Variants in HEPHL1 observed in about 807,000 individuals in gnomAD.
HEPHL1 encodes hephaestin like 1, also known as ferroxidase HEPHL1.
Under a neutral mutation model 122.0 loss-of-function variants are expected in HEPHL1, and 123 were observed. That is an observed-to-expected ratio of 1.01 (90% CI 0.87 to 1.17). HEPHL1 has a LOEUF of 1.17. Among genes scored for constraint, HEPHL1 ranks in the 50% most tolerant of loss-of-function variants. The pLI is 0.00. For synonymous variants in HEPHL1, 527 were observed against 508.9 expected, an observed-to-expected ratio of 1.04 and a Z score of -0.48; for missense variants, 1,452 against 1,430.5, an observed-to-expected ratio of 1.01 and a Z score of -0.24.
intron 14 of HEPHL1, among the ~76,000 whole-genome samples, chr11:94,102,555 A>G (rs76238863): frequency 0.027 from 4,108 of 152,336 alleles, 200 homozygotes; most frequent in African/African-American, 0.094. Flanking sequence ...AAGAGGCCAA[A>G]GCAGAGGTCC....
intron 12 of HEPHL1, among the ~76,000 whole-genome samples, chr11:94,091,108 A>G (rs961784496): frequency 3.3e-5 from 5 of 152,326 alleles, no homozygotes; most frequent in African/African-American, 1.2e-4. Flanking sequence ...ACAATAAACC[A>G]CTGCCTATTG....
At chr11:94,081,936 G>T (rs185753196) in intron 9 of HEPHL1, among the ~76,000 whole-genome samples, 2 of 152,290 alleles carry the variant, frequency 1.3e-5, no homozygotes, top group Non-Finnish European at 2.9e-5. Context: ...ATGCAGAAAA[G>T]TGAATTGAGG....
intron 13 of HEPHL1, among the ~76,000 whole-genome samples, chr11:94,093,971 G>GATAGATATATATATATAT (rs71036310): frequency 5.5e-5 from 4 of 72,766 alleles, no homozygotes; most frequent in African/African-American, 1.5e-4. Context: ...TCCTCCAGCA[G>GATAGATATATATATATAT]ATATATATAT....
intron 1 of HEPHL1, among the ~76,000 whole-genome samples, chr11:94,024,931 C>T (rs1591457658): frequency 6.6e-6 from 1 of 152,252 alleles, no homozygotes; most frequent in South Asian, 2.1e-4. Context: ...AGCTAATCAC[C>T]TTATCAACTG....
chr11:94,057,388 A>G (rs1166791841), intron 2 of HEPHL1, among the ~76,000 whole-genome samples: 3 of 151,950 alleles, frequency 2.0e-5, no homozygotes, highest in African/African-American at 7.2e-5. Flanking sequence ...TCTGCAGACA[A>G]CTGTTATACA....
intron 17 of HEPHL1, among the ~76,000 whole-genome samples, chr11:94,107,250 G>A (rs556976785): frequency 5.9e-5 from 9 of 152,178 alleles, no homozygotes; most frequent in African/African-American, 1.9e-4. Context: ...CGTTGTTTAC[G>A]ACACCAAGTA....
chr11:94,039,191 C>T (rs1258477685), intron 1 of HEPHL1, among the ~76,000 whole-genome samples: 1 of 124,970 alleles, frequency 8.0e-6, no homozygotes, highest in Non-Finnish European at 1.7e-5. Context: ...TATATATGCA[C>T]CCAATACAGG....
intron 1 of HEPHL1, among the ~76,000 whole-genome samples, chr11:94,034,712 G>C (rs1706959024): frequency 6.6e-6 from 1 of 152,120 alleles, no homozygotes; most frequent in African/African-American, 2.4e-5. Context: ...GAAAGTCCCA[G>C]ACTAGACAGG....
At chr11:94,070,841 T>C (rs1438086400) in intron 6 of HEPHL1, among the ~76,000 whole-genome samples, 1 of 152,106 alleles carries the variant, frequency 6.6e-6, no homozygotes, top group Non-Finnish European at 1.5e-5. Context: ...TTAGAAATAC[T>C]AAGCTGACAA....
intron 17 of HEPHL1, among the ~76,000 whole-genome samples, chr11:94,108,849 AT>A (rs989868795): frequency 3.3e-5 from 5 of 152,084 alleles, no homozygotes; most frequent in Non-Finnish European, 5.9e-5. Context: ...GCTATTCTAG[AT>A]GTTTGCCTTC....
At chr11:94,094,843 G>T (rs1946297078) in intron 13 of HEPHL1, among the ~76,000 whole-genome samples, 1 of 151,676 alleles carries the variant, frequency 6.6e-6, no homozygotes, top group South Asian at 2.1e-4. Flanking sequence ...TGTTGATAGG[G>T]TTGTTTTTTT....
chr11:94,066,709 T>C (rs1025788343), intron 4 of HEPHL1, among the ~76,000 whole-genome samples: 2 of 152,242 alleles, frequency 1.3e-5, no homozygotes, highest in Non-Finnish European at 2.9e-5. Context: ...TAGAATTAAT[T>C]GTGCTGCCTA....
At position 94,088,888 on chromosome 11, in the gene HEPHL1, C is replaced by T. The variant is rs1411032628; in HGVS notation, c.2214C>T (p.Ala738=). ...GGATGATAAGAACTTTTTACATCGC[C>T]GCTGAAGAAGTAGAATGGGATTATG... is the stretch of plus-strand genomic sequence containing the variant. ...RYGMIRTFYI[A]AEEVEWDYAP... is the part of the protein sequence containing the mutation. Residue 738 remains alanine, a synonymous_variant, in exon 12 of 20, where the codon GCC becomes GCT. Transcript: ENST00000315765. 3 of 1,613,918 alleles carry T rather than the reference C, an allele frequency of 1.9e-6. No individual in the cohort carries two copies. The highest frequency in any genetic ancestry group is 1.6e-4 in the Middle Eastern group (1 of 6,062).
intron 1 of HEPHL1, among the ~76,000 whole-genome samples, chr11:94,027,023 A>C (rs1413794586): frequency 6.6e-6 from 1 of 152,166 alleles, no homozygotes; most frequent in African/African-American, 2.4e-5. Flanking sequence ...TCTGAACTGC[A>C]TGTGTTGTCA....
chr11:94,099,156 G>T (rs1011506976), intron 13 of HEPHL1, among the ~76,000 whole-genome samples: 1 of 152,098 alleles, frequency 6.6e-6, no homozygotes, highest in Non-Finnish European at 1.5e-5. Context: ...ATCTACCTTT[G>T]GTCTTTGATG....
chr11:94,112,078 G>A lies in HEPHL1; in HGVS notation c.*184G>A, dbSNP rs1946454951. 2.3e-6 allele frequency: 1 copy of A among 427,552 alleles called. No individual in the cohort carries two copies. The highest frequency in any genetic ancestry group is 4.1e-6 in the Non-Finnish European group (1 of 244,410). 26.5% of individuals were successfully genotyped at this position (427,552 alleles called of 1,614,324 possible). A position where few individuals can be genotyped will look rare whatever the true frequency, so the allele number is the denominator to read the frequency against. On this transcript the variant is annotated 3_prime_UTR_variant, in exon 20 of 20. Coordinates refer to ENST00000315765, the MANE Select transcript of HEPHL1 (RefSeq NM_001098672.2). ...CTTTTATTTATTTATTTTTAAATGG[G>A]CTGCGAATAATCCTCAGGTATAAAA...
At chr11:94,093,986 AT>A (rs1946285371) in intron 13 of HEPHL1, among the ~76,000 whole-genome samples, 1 of 82,286 alleles carries the variant, frequency 1.2e-5, no homozygotes, top group Non-Finnish European at 2.3e-5. Flanking sequence ...ATATATATAT[AT>A]ATATATATAT....
chr11:94,044,386 A>G (rs960389057), intron 1 of HEPHL1, among the ~76,000 whole-genome samples: 2 of 151,830 alleles, frequency 1.3e-5, no homozygotes, highest in African/African-American at 2.4e-5. Context: ...CTTTTCCTCA[A>G]CTCCTTTAAA....
At chr11:94,066,706 A>C (rs1946037676) in intron 4 of HEPHL1, among the ~76,000 whole-genome samples, 1 of 152,238 alleles carries the variant, frequency 6.6e-6, no homozygotes, top group Admixed American at 6.5e-5. Context: ...ATTTAGAATT[A>C]ATTGTGCTGC....
Sources: gnomAD v4.1 joint callset for allele counts (sites outside exome capture counted in the v4.1 genomes callset) on GRCh38, gnomAD v4.1.1 for gene constraint, MANE v1.5 for transcripts, NCBI Gene and HGNC (gene_info 2026-07-23, HGNC 2026-07-21) for gene names.